GANC: variants seen among roughly 807,000 people sequenced by gnomAD.
GANC encodes neutral alpha-glucosidase C.
GANC carries 117 observed loss-of-function variants against 124.2 expected under a neutral mutation model. The ratio of observed to expected loss-of-function variants is 0.94; its 90% confidence interval spans 0.81 to 1.10. The LOEUF (loss-of-function observed/expected upper bound fraction) is 1.10, where lower values mean the gene tolerates loss of function less well. Ranked by LOEUF, GANC falls within the 50% of genes least tolerant of loss-of-function variation. GANC has a pLI of 0.00. For missense variants in GANC, 1,140 were observed against 1,095.0 expected, an observed-to-expected ratio of 1.04 and a Z score of -0.58; for synonymous variants, 377 against 376.8, an observed-to-expected ratio of 1.00 and a Z score of -0.01.
At chr15:42,316,524 A>G (rs146950810) in intron 10 of GANC, among the ~76,000 whole-genome samples, 1 of 152,194 alleles carries the variant, frequency 6.6e-6, no homozygotes, top group Non-Finnish European at 1.5e-5. Context: ...GTTTTCTTCT[A>G]TGCACTTGTA....
At chr15:42,325,842 G>A (rs149380446) in intron 11 of GANC, among the ~76,000 whole-genome samples, 59 of 152,108 alleles carry the variant, frequency 3.9e-4, no homozygotes, top group African/African-American at 1.4e-3. Context: ...CTGTAGCCGC[G>A]ACCTCCCCAG....
chr15:42,344,834 A>G (rs1453997137), intron 19 of GANC: 1 of 152,216 alleles, frequency 6.6e-6, no homozygotes, highest in Non-Finnish European at 1.5e-5. Flanking sequence ...GTGGGTTCCC[A>G]TTAAGAGGAA....
Position 42,352,643 on chromosome 15 carries a change from T to A in GANC, c.*504T>A. ...CAGAGCAGCCCTCTTCTGTGTGCAC[T>A]GCATACGCTGCAGCCGTGGGAGTTA... On this transcript the variant is annotated 3_prime_UTR_variant, in exon 24 of 24. Coordinates refer to ENST00000318010, the MANE Select transcript of GANC (RefSeq NM_198141.3). 1.0e-6 allele frequency: 1 copy of A among 987,384 alleles called. No homozygotes were observed. The allele number at this position is 987,384 out of a possible 1,614,324, so 61.2% of individuals were successfully genotyped here.
chr15:42,315,365 A>G (rs2052093154), intron 10 of GANC, among the ~76,000 whole-genome samples: 1 of 152,246 alleles, frequency 6.6e-6, no homozygotes. Flanking sequence ...AAGAAGATAA[A>G]TAAGTGAACA....
chr15:42,306,666 T>C, intron 7 of GANC, 54 bp downstream of exon 7: 1 of 1,265,826 alleles, frequency 7.9e-7, no homozygotes, highest in South Asian at 1.4e-5. Context: ...AATGTCTACA[T>C]AATTCTATCA....
chr15:42,351,926 T>C lies in GANC; in HGVS notation c.2636-104T>C, dbSNP rs559259226. The C allele has an allele frequency of 4.9e-6, 7 of 1,427,328 alleles. No individual in the cohort carries two copies. In the African/African-American group the frequency reaches 9.9e-5, roughly 20 times the overall value. The allele number at this position is 1,427,328 out of a possible 1,614,324, so 88.4% of individuals were successfully genotyped here. On this transcript the variant is annotated intron_variant, in intron 23 of 23. Transcript: ENST00000318010. The stretch of plus-strand genomic sequence containing the variant: ...AGTGCTATTAATTTGGAGTGGGGTA[T>C]AAGGTTTTATGATACAGTGAGAAAA...
intron 4 of GANC, among the ~76,000 whole-genome samples, chr15:42,290,385 G>A (rs1475213680): frequency 6.6e-6 from 1 of 152,190 alleles, no homozygotes; most frequent in Non-Finnish European, 1.5e-5. Flanking sequence ...AATCCTAAAA[G>A]TCCTCATATC....
chr15:42,285,746 G>C (rs561274234), intron 3 of GANC, among the ~76,000 whole-genome samples: 2 of 152,180 alleles, frequency 1.3e-5, no homozygotes, highest in Admixed American at 6.5e-5. Flanking sequence ...AGTGAGCCAA[G>C]ATTGCGCCAC....
intron 16 of GANC, 106 bp downstream of exon 16, chr15:42,338,596 T>A: frequency 1.3e-6 from 1 of 798,194 alleles, no homozygotes; most frequent in Non-Finnish European, 2.1e-6. Context: ...TGGGCAGACA[T>A]AAATGTGGGA....
Position 42,352,500 on chromosome 15 carries a change from C to T in GANC, c.*361C>T. The T allele has an allele frequency of 9.5e-7, 1 of 1,054,024 alleles. No individual in the cohort carries two copies. Among genetic ancestry groups the T allele is most frequent in the Non-Finnish European group, 1.1e-6 (1 of 870,080 alleles). The allele number at this position is 1,054,024 out of a possible 1,614,324, so 65.3% of individuals were successfully genotyped here. ...GGGCAGCCCATTTGCCAGGGCTTGC[C>T]TCAGGCCATGCAGCATTGGCGCTCT... On this transcript the variant is annotated 3_prime_UTR_variant, in exon 24 of 24. Transcript: ENST00000318010.
At chr15:42,316,402 G>C (rs1314082808) in intron 10 of GANC, among the ~76,000 whole-genome samples, 2 of 152,144 alleles carry the variant, frequency 1.3e-5, no homozygotes, top group African/African-American at 4.8e-5. Flanking sequence ...GGTAAGGAAG[G>C]TGAGTCGTCC....
intron 2 of GANC, 40 bp from the exon 3 acceptor site, chr15:42,278,442 A>C: frequency 7.4e-7 from 1 of 1,345,494 alleles, no homozygotes; most frequent in Non-Finnish European, 1.0e-6. Flanking sequence ...ACTGACAATC[A>C]CAAATAATTA....
At position 42,297,649 on chromosome 15, in the gene GANC, C is replaced by G. The variant is rs139934894; in HGVS notation, c.551C>G (p.Thr184Ser). The G allele has an allele frequency of 1.0e-4, 165 of 1,607,268 alleles. 1 individual carries two copies. The African/African-American group carries it at 1.9e-3, about 19-fold the overall frequency. ...KENEEETSVD[T>S]SQENQEDLGL... ...AATGAGGAGGAGACATCAGTGGACACCTCTCAGGTAATCTAGATTGATCCA... is the reference window on the plus strand; with the variant it reads ...AATGAGGAGGAGACATCAGTGGACAGCTCTCAGGTAATCTAGATTGATCCA... The change falls in exon 6 of 24, where the codon ACC becomes AGC. Residue 184 changes from threonine (T) to serine (S), a missense_variant. Transcript: ENST00000318010.
intron 19 of GANC, 82 bp downstream of exon 19, chr15:42,343,236 C>A: frequency 1.6e-6 from 2 of 1,273,454 alleles, no homozygotes; most frequent in South Asian, 2.5e-5. Flanking sequence ...ATTTCTTCAT[C>A]ATGTGTTTGT....
chr15:42,329,556 G>C, intron 14 of GANC, 107 bp downstream of exon 14: 1 of 1,227,580 alleles, frequency 8.1e-7, no homozygotes, highest in Admixed American at 2.7e-5. Flanking sequence ...ATTTCTCTTT[G>C]TGTGTCTTTT....
intron 6 of GANC, among the ~76,000 whole-genome samples, chr15:42,298,673 A>G (rs1291423064): frequency 1.3e-5 from 2 of 152,128 alleles, no homozygotes; most frequent in East Asian, 1.9e-4. Context: ...ACTTTTCACA[A>G]TATTGATTCT....
In GANC at chr15:42,347,667, C is replaced by T. The variant is rs977434744; in HGVS notation, c.2305-436C>T. Among the ~76,000 whole-genome samples, 20 of 152,304 alleles carry T rather than the reference C, an allele frequency of 1.3e-4. No individual in the cohort carries two copies. In the East Asian group the frequency reaches 3.3e-3, roughly 25 times the overall value. Reference sequence around the variant, plus strand: ...AAGAAACCACCATCAGTTATACATACACACATACACAGACTTCTGGGCCCA... The same window carrying T: ...AAGAAACCACCATCAGTTATACATATACACATACACAGACTTCTGGGCCCA... On this transcript the variant is annotated intron_variant, in intron 20 of 23. Coordinates refer to ENST00000318010, the MANE Select transcript of GANC (RefSeq NM_198141.3).
At chr15:42,331,989 T>C (rs767044715) in intron 15 of GANC, among the ~76,000 whole-genome samples, 1 of 152,162 alleles carries the variant, frequency 6.6e-6, no homozygotes, top group Non-Finnish European at 1.5e-5. Flanking sequence ...TATGTTCATA[T>C]AATCAAATCA....
intron 19 of GANC, among the ~76,000 whole-genome samples, chr15:42,343,785 CAG>C (rs2052344543): frequency 6.6e-6 from 1 of 152,130 alleles, no homozygotes. Context: ...GAGCAGCCTT[CAG>C]AGACAGGCCA....
Sources: allele counts gnomAD v4.1 joint callset (sites outside exome capture counted in the v4.1 genomes callset), GRCh38; gene constraint gnomAD v4.1.1; transcripts MANE v1.5; gene names NCBI Gene and HGNC (gene_info 2026-07-23, HGNC 2026-07-21).